CHD2: variants seen among roughly 807,000 people sequenced by gnomAD.
CHD2 encodes ATP-dependent chromatin remodeler CHD2.
A neutral mutation model predicts 243.9 loss-of-function variants in CHD2; 28 were observed. The ratio of observed to expected loss-of-function variants is 0.11; its 90% CI spans 0.09 to 0.16. CHD2 has a LOEUF of 0.16. Among genes scored for constraint, CHD2 ranks in the 10% least tolerant of loss-of-function variants. The pLI, the probability that CHD2 is intolerant of heterozygous loss-of-function variation, is 1.00. For missense variants in CHD2, 1,386 were observed against 2,209.8 expected, an observed-to-expected ratio of 0.63 and a Z score of 7.47; for synonymous variants, 775 against 779.0, an observed-to-expected ratio of 0.99 and a Z score of 0.09.
At chr15:92,973,576 T>G (rs1290006490) in intron 19 of CHD2, among the ~76,000 whole-genome samples, 1 of 152,196 alleles carries the variant, frequency 6.6e-6, no homozygotes, top group Admixed American at 6.5e-5. Context: ...TGAAAGGCAT[T>G]GTTATATCCA....
At chr15:92,932,221 T>C (rs1277660677) in intron 5 of CHD2, among the ~76,000 whole-genome samples, 1 of 152,118 alleles carries the variant, frequency 6.6e-6, no homozygotes, top group Non-Finnish European at 1.5e-5. Context: ...ATAAAGTCTT[T>C]CATAATATTT....
At chr15:92,999,065 C>A (rs1255662370) in intron 31 of CHD2, among the ~76,000 whole-genome samples, 1 of 112,878 alleles carries the variant, frequency 8.9e-6, no homozygotes, top group Non-Finnish European at 1.7e-5. Flanking sequence ...GCCTGGGCAA[C>A]AGAGCGAGAC....
chr15:92,904,101 G>C (rs1262322885), intron 2 of CHD2, among the ~76,000 whole-genome samples: 1 of 152,142 alleles, frequency 6.6e-6, no homozygotes, highest in Non-Finnish European at 1.5e-5. Context: ...TGCTCTTCTG[G>C]GGAACTCTGG....
chr15:92,959,484 T>G (rs1417490629), intron 16 of CHD2, among the ~76,000 whole-genome samples: 1 of 152,140 alleles, frequency 6.6e-6, no homozygotes, highest in Non-Finnish European at 1.5e-5. Flanking sequence ...AGCTTTCGAC[T>G]GTTTTTTTAT....
intron 26 of CHD2, among the ~76,000 whole-genome samples, chr15:92,987,030 G>C (rs11074123): frequency 0.69 from 105,624 of 152,034 alleles, 38,152 homozygotes; most frequent in East Asian, 0.99. Flanking sequence ...GCCACCGTGC[G>C]CAGCCTAGTT....
chr15:92,967,598 G>GTTTT, intron 17 of CHD2, 85 bp downstream of exon 17: 28 of 611,294 alleles, frequency 4.6e-5, no homozygotes, highest in South Asian at 1.1e-4. Context: ...ATATACTTTT[G>GTTTT]TTTTTTTTTT....
chr15:92,974,299 G>A (rs1259571839), intron 19 of CHD2, among the ~76,000 whole-genome samples: 3 of 152,134 alleles, frequency 2.0e-5, no homozygotes, highest in African/African-American at 7.2e-5. Context: ...TTCTCATGTA[G>A]TTTAGCTGCT....
intron 5 of CHD2, among the ~76,000 whole-genome samples, chr15:92,931,859 C>T (rs915892230): frequency 9.5e-5 from 14 of 147,710 alleles, no homozygotes; most frequent in Middle Eastern, 3.6e-3. Flanking sequence ...ACATTGCTGA[C>T]GTACTTTTTT....
chr15:92,947,806 C>A (rs966137845), intron 12 of CHD2, among the ~76,000 whole-genome samples: 2 of 152,114 alleles, frequency 1.3e-5, no homozygotes, highest in Non-Finnish European at 2.9e-5. Flanking sequence ...CCATTCACTG[C>A]CAGCCGCCCT....
At chr15:92,948,826 A>C in intron 12 of CHD2, 126 bp from the exon 13 acceptor site, 1 of 1,054,878 alleles carries the variant, frequency 9.5e-7, no homozygotes, top group Non-Finnish European at 1.4e-6. Context: ...GTGACAGAGC[A>C]AGACTCCGTC....
chr15:93,005,377 G>A (rs1002606143), intron 34 of CHD2, among the ~76,000 whole-genome samples: 4 of 152,124 alleles, frequency 2.6e-5, no homozygotes, highest in Non-Finnish European at 5.9e-5. Context: ...GGTCTTGCAC[G>A]GGATTGGATA....
intron 3 of CHD2, among the ~76,000 whole-genome samples, chr15:92,925,173 C>G (rs1270055807): frequency 6.6e-6 from 1 of 152,102 alleles, no homozygotes; most frequent in African/African-American, 2.4e-5. Context: ...TTGGATGGAC[C>G]TACAAGCCAG....
At chr15:92,933,052 T>G (rs891903392) in intron 5 of CHD2, among the ~76,000 whole-genome samples, 22 of 151,546 alleles carry the variant, frequency 1.5e-4, no homozygotes, top group Non-Finnish European at 2.9e-4. Flanking sequence ...CCTTTTTTTT[T>G]TTTTTTTTAA....
chr15:92,946,004 T>C (rs766834971), intron 11 of CHD2, 34 bp from the exon 12 acceptor site: 3 of 1,534,786 alleles, frequency 2.0e-6, no homozygotes, highest in Admixed American at 4.2e-5. Flanking sequence ...TAATTGACAG[T>C]TGCTAATCTA....
chr15:93,018,876 A>T (rs2054495250), intron 37 of CHD2, among the ~76,000 whole-genome samples: 1 of 152,214 alleles, frequency 6.6e-6, no homozygotes, highest in Non-Finnish European at 1.5e-5. Flanking sequence ...TCATCTAGAG[A>T]TTTTTAACTT....
chr15:92,956,358 A>G (rs1465069077), intron 15 of CHD2, 101 bp from the exon 16 acceptor site: 6 of 836,188 alleles, frequency 7.2e-6, no homozygotes, highest in Admixed American at 2.4e-5. Context: ...GTGTCAATTT[A>G]TACCTTTGTA....
chr15:92,972,524 G>A, intron 19 of CHD2, 107 bp downstream of exon 19: 1 of 1,025,694 alleles, frequency 9.7e-7, no homozygotes, highest in Non-Finnish European at 1.4e-6. Context: ...AAAGTAGGAA[G>A]TAAGAGTTTT....
chr15:92,940,915 A>T (rs1567134469), intron 7 of CHD2, among the ~76,000 whole-genome samples: 1 of 140,470 alleles, frequency 7.1e-6, no homozygotes, highest in Non-Finnish European at 1.5e-5. Flanking sequence ...TATATATATA[A>T]ATATACATAT....
intron 17 of CHD2, among the ~76,000 whole-genome samples, chr15:92,969,655 T>C (rs1009804399): frequency 9.9e-5 from 15 of 152,204 alleles, no homozygotes; most frequent in African/African-American, 3.6e-4. Context: ...TAAAAATACA[T>C]GATGAACAGT....
Sources: allele counts gnomAD v4.1 joint callset (sites outside exome capture counted in the v4.1 genomes callset), GRCh38; gene constraint gnomAD v4.1.1; transcripts MANE v1.5; gene names NCBI Gene and HGNC (gene_info 2026-07-23, HGNC 2026-07-21).